ELMO1: variants seen among roughly 807,000 people sequenced by gnomAD.
The protein encoded by ELMO1 is engulfment and cell motility protein 1.
ELMO1 carries 26 observed loss-of-function variants against 98.9 expected under a neutral mutation model. The observed-to-expected ratio is 0.26, with a 90% CI of 0.19 to 0.36. The LOEUF (loss-of-function observed/expected upper bound fraction) is 0.36, where lower values mean the gene tolerates loss of function less well. ELMO1 is among the 10% of genes least tolerant of loss of function. ELMO1 has a pLI of 1.00. For missense variants in ELMO1, 627 were observed against 935.2 expected (o/e 0.67, Z 4.30); for synonymous variants, 346 against 346.0 (o/e 1.00, Z 0.00).
At chr7:37,025,027 A>G (rs1024412476) in intron 15 of ELMO1, among the ~76,000 whole-genome samples, 1 of 152,230 alleles carries the variant, frequency 6.6e-6, no homozygotes, top group Non-Finnish European at 1.5e-5. Context: ...GAATTTGCTT[A>G]TAATTGAAAA....
intron 13 of ELMO1, among the ~76,000 whole-genome samples, chr7:37,200,640 G>A (rs973369740): frequency 6.6e-6 from 1 of 152,048 alleles, no homozygotes; most frequent in Non-Finnish European, 1.5e-5. Context: ...AGCTTCATAG[G>A]CCACCCACTT....
intron 21 of ELMO1, among the ~76,000 whole-genome samples, chr7:36,859,246 AACTG>A (rs1442899270): frequency 1.4e-4 from 22 of 152,236 alleles, no homozygotes; most frequent in African/African-American, 4.6e-4. Context: ...GACATCTGAA[AACTG>A]ACTGCACATG....
intron 14 of ELMO1, among the ~76,000 whole-genome samples, chr7:37,101,822 A>G (rs1285686961): frequency 6.6e-6 from 1 of 151,986 alleles, no homozygotes; most frequent in African/African-American, 2.4e-5. Context: ...GGAGAGAGTC[A>G]CTCAGGTTAA....
At chr7:37,032,268 G>A (rs1014580005) in intron 15 of ELMO1, among the ~76,000 whole-genome samples, 15 of 152,168 alleles carry the variant, frequency 9.9e-5, no homozygotes, top group African/African-American at 3.6e-4. Context: ...ATCTAAGGGA[G>A]CAAGGGAAAG....
In ELMO1 at chr7:36,855,541, CCCGGCCA is replaced by C; in HGVS notation, c.*3_*9del. ...CAGTTTTGGAAGGGGCATGTCTGGG[CCCGGCCA>C]CTTCAGTTACAGTCATAGACGAAGT... is the stretch of plus-strand genomic sequence containing the variant. On this transcript the variant is annotated 3_prime_UTR_variant, in exon 22 of 22. Coordinates refer to ENST00000310758, the MANE Select transcript of ELMO1 (RefSeq NM_014800.11). The surrounding 1 kb of genome is among the most constrained non-coding windows in gnomAD (Gnocchi z 4.2). The C allele has an allele frequency of 6.2e-7, 1 of 1,613,722 alleles. No individual in the cohort carries two copies. Among genetic ancestry groups the C allele is most frequent in the East Asian group, 2.2e-5 (1 of 44,884 alleles).
chr7:37,422,881 A>T (rs533145063), intron 1 of ELMO1, among the ~76,000 whole-genome samples: 1 of 152,362 alleles, frequency 6.6e-6, no homozygotes, highest in Admixed American at 6.5e-5. Context: ...TAGAGTTCAT[A>T]ACAAAAGCTA....
At chr7:37,135,048 A>G (rs1584700501) in intron 13 of ELMO1, among the ~76,000 whole-genome samples, 1 of 152,314 alleles carries the variant, frequency 6.6e-6, no homozygotes, top group East Asian at 1.9e-4. Context: ...TACCCCATAA[A>G]TTTACCCAAA....
chr7:37,141,898 T>C (rs1787667168), intron 13 of ELMO1, among the ~76,000 whole-genome samples: 2 of 152,338 alleles, frequency 1.3e-5, no homozygotes, highest in South Asian at 4.1e-4. Flanking sequence ...TATAAGCTAA[T>C]AGGCAATATC....
At chr7:37,244,219 G>C (rs1350183296) in intron 7 of ELMO1, 137 bp downstream of exon 7, 19 of 954,356 alleles carry the variant, frequency 2.0e-5, no homozygotes, top group Non-Finnish European at 4.5e-6. Context: ...ACATCAAATA[G>C]AAAACAAAAA....
chr7:37,009,285 T>C (rs1024172988), intron 16 of ELMO1, among the ~76,000 whole-genome samples: 20 of 152,164 alleles, frequency 1.3e-4, no homozygotes, highest in African/African-American at 4.1e-4. Context: ...TTGGTAATGA[T>C]AGAACACACA....
At chr7:37,120,475 C>A (rs1335213320) in intron 14 of ELMO1, among the ~76,000 whole-genome samples, 2 of 152,244 alleles carry the variant, frequency 1.3e-5, no homozygotes, top group African/African-American at 4.8e-5. Flanking sequence ...ACCAGGAAAT[C>A]ATATCCCACG....
At chr7:37,192,650 T>C (rs1484065665) in intron 13 of ELMO1, among the ~76,000 whole-genome samples, 3 of 150,874 alleles carry the variant, frequency 2.0e-5, no homozygotes, top group South Asian at 4.2e-4. Context: ...CTACAAAAAT[T>C]AGCCAGGCAT....
intron 13 of ELMO1, among the ~76,000 whole-genome samples, chr7:37,173,045 C>T (rs558612104): frequency 1.3e-5 from 2 of 152,276 alleles, no homozygotes; most frequent in Non-Finnish European, 2.9e-5. Context: ...TAGTAAACAA[C>T]GTTCACAAGA....
intron 1 of ELMO1, among the ~76,000 whole-genome samples, chr7:37,378,943 G>C (rs1802476650): frequency 6.6e-6 from 1 of 152,042 alleles, no homozygotes; most frequent in South Asian, 2.1e-4. Context: ...ACACTCCAGA[G>C]AACTGTAAAA....
intron 20 of ELMO1, among the ~76,000 whole-genome samples, chr7:36,867,292 G>C (rs1007142325): frequency 6.6e-6 from 1 of 152,050 alleles, no homozygotes; most frequent in African/African-American, 2.4e-5. Context: ...TCATTTACTC[G>C]GTTTTACTTT....
intron 13 of ELMO1, among the ~76,000 whole-genome samples, chr7:37,169,221 C>T (rs1307920146): frequency 2.6e-5 from 4 of 152,148 alleles, no homozygotes; most frequent in African/African-American, 4.8e-5. Context: ...GGGAATGACC[C>T]GATTTTCCAG....
At position 37,004,712 on chromosome 7, in the gene ELMO1, C is replaced by G. The variant is rs141962750; in HGVS notation, c.1437+8587G>C. Among the ~76,000 whole-genome samples, 20 of 152,272 alleles carry G rather than the reference C, an allele frequency of 1.3e-4. 1 individual carries two copies. In the East Asian group the frequency reaches 3.7e-3, roughly 28 times the overall value. On this transcript the variant is annotated intron_variant, in intron 16 of 21. Transcript: ENST00000310758. ...GGTCAAGACCATTTTTATAAATGCT[C>G]CTGTTATAGAAAATGTCCAGAAAGC...
chr7:36,929,802 C>A (rs1785884900), intron 16 of ELMO1, among the ~76,000 whole-genome samples: 1 of 152,164 alleles, frequency 6.6e-6, no homozygotes, highest in South Asian at 2.1e-4. Context: ...ACTTGAAAAC[C>A]ATTACTCCCA....
At chr7:36,872,200 G>T in intron 19 of ELMO1, among the ~76,000 whole-genome samples, 1 of 152,188 alleles carries the variant, frequency 6.6e-6, no homozygotes, top group Non-Finnish European at 1.5e-5. Context: ...GAAACTGAAG[G>T]AGTGACCTGT....
Sources: allele counts gnomAD v4.1 joint callset (sites outside exome capture counted in the v4.1 genomes callset), GRCh38; gene constraint gnomAD v4.1.1; non-coding constraint Gnocchi (gnomAD v3.1); transcripts MANE v1.5; gene names NCBI Gene and HGNC (gene_info 2026-07-23, HGNC 2026-07-21).